The following PLXNA2 variants were observed in gnomAD, a reference collection of about 807,000 sequenced individuals.
The protein encoded by PLXNA2 is plexin A2.
Under a neutral mutation model 193.5 loss-of-function variants are expected in PLXNA2, and 91 were observed. The observed-to-expected ratio is 0.47, with a 90% confidence interval of 0.40 to 0.56. The LOEUF (loss-of-function observed/expected upper bound fraction) is 0.56, where lower values mean the gene tolerates loss of function less well. Among genes scored for constraint, PLXNA2 ranks in the 20% least tolerant of loss-of-function variants. The probability of loss-of-function intolerance (pLI) is 0.00; values close to 1 mark genes in which losing one functional copy is unlikely to be tolerated. For missense variants in PLXNA2, 1,995 were observed against 2,503.2 expected, an observed-to-expected ratio of 0.80 and a Z score of 4.33; for synonymous variants, 997 against 1,027.3, an observed-to-expected ratio of 0.97 and a Z score of 0.56.
chr1:208,201,507 AG>A (rs1184454981), intron 3 of PLXNA2, among the ~76,000 whole-genome samples: 1 of 152,132 alleles, frequency 6.6e-6, no homozygotes, highest in Non-Finnish European at 1.5e-5. Context: ...GGCTGGGAGT[AG>A]GGGACAGGAT....
At chr1:208,237,435 GA>G (rs1323295955) in intron 1 of PLXNA2, among the ~76,000 whole-genome samples, 3 of 152,214 alleles carry the variant, frequency 2.0e-5, no homozygotes, top group Non-Finnish European at 4.4e-5. Context: ...AGAAGTACCA[GA>G]AAGGGATGCA....
chr1:208,036,363 C>T (rs1029657654), intron 26 of PLXNA2, among the ~76,000 whole-genome samples: 4 of 152,178 alleles, frequency 2.6e-5, no homozygotes, highest in Admixed American at 6.5e-5. Context: ...GTCACTAAAC[C>T]GCTCCTGTCC....
chr1:208,084,639 G>A, intron 9 of PLXNA2, 59 bp from the exon 10 acceptor site: 1 of 1,511,084 alleles, frequency 6.6e-7, no homozygotes, highest in Non-Finnish European at 9.1e-7. Context: ...CTATGTGCCT[G>A]GGACAGGCAG....
intron 17 of PLXNA2, 49 bp downstream of exon 17, chr1:208,050,960 A>G: frequency 7.3e-7 from 1 of 1,378,292 alleles, no homozygotes; most frequent in Non-Finnish European, 1.0e-6. Context: ...CAAAACATCA[A>G]CACAGAGCTG....
chr1:208,056,706 A>C (rs776948833), intron 13 of PLXNA2, among the ~76,000 whole-genome samples: 8 of 152,194 alleles, frequency 5.3e-5, no homozygotes, highest in Non-Finnish European at 1.2e-4. Flanking sequence ...CTGTAGTTGG[A>C]AAGGCAGGAT....
chr1:208,189,448 C>T (rs905175720), intron 3 of PLXNA2, among the ~76,000 whole-genome samples: 2 of 151,496 alleles, frequency 1.3e-5, no homozygotes, highest in Non-Finnish European at 2.9e-5. Context: ...CCAGCAGGCC[C>T]ACCAGAAGGG....
rs557947823 is a variant in PLXNA2, at chr1:208,120,352, G to T, written c.1507-17105C>A. On this transcript the variant is annotated intron_variant, in intron 4 of 31. Coordinates refer to ENST00000367033, the MANE Select transcript of PLXNA2 (RefSeq NM_025179.4). ...TGGAGTTAAGTGGTGATTAGAGTGG[G>T]GTGGGATTAATCAGAGAGGGGGTGA... 2.0e-5 allele frequency among the ~76,000 whole-genome samples: 3 copies of T among 152,338 alleles called. No individual in the cohort carries two copies. In the South Asian group the frequency reaches 6.2e-4, roughly 32 times the overall value.
Position 208,034,560 on chromosome 1 carries a change from G to A in PLXNA2, c.4797C>T (p.Pro1599=). 4 of 1,613,936 alleles carry A rather than the reference G, an allele frequency of 2.5e-6. No individual in the cohort carries two copies. The highest frequency in any genetic ancestry group is 2.5e-6 in the Non-Finnish European group (3 of 1,179,824). Residue 1599 remains proline (P), a synonymous_variant, in exon 27 of 32, where the codon CCC becomes CCT. Coordinates refer to ENST00000367033, the MANE Select transcript of PLXNA2 (RefSeq NM_025179.4). Reference sequence around the variant, plus strand: ...GGATGTTGTAGGAGGAGGTCTGTTTGGGGACCAGAGCCACCACCGACCTGT... The same window carrying A: ...GGATGTTGTAGGAGGAGGTCTGTTTAGGGACCAGAGCCACCACCGACCTGT... The part of the protein sequence containing the change: ...VSDRSVVALV[P]KQTSSYNIPA...
At chr1:208,071,234 C>T (rs748053156) in intron 12 of PLXNA2, among the ~76,000 whole-genome samples, 5 of 152,200 alleles carry the variant, frequency 3.3e-5, no homozygotes, top group Non-Finnish European at 5.9e-5. Flanking sequence ...GCATCCTCAG[C>T]GGATGTTCAT....
chr1:208,046,053 C>T lies in PLXNA2; in HGVS notation c.3320G>A (p.Arg1107His), dbSNP rs765109287. ...CLAPSLTTDYRPGLDTVERPD... is the reference protein window; with the variant it reads ...CLAPSLTTDYHPGLDTVERPD... ...GCGTTCCACAGTGTCCAGGCCAGGG[C>T]GGTAGTCCGTGGTCAGAGAGGGTGC... The change falls in exon 18 of 32, where the codon CGC becomes CAC. Residue 1107 changes from arginine (R) to histidine (H), a missense_variant. Around this residue, in one of 3 missense-constraint regions of PLXNA2, gnomAD observed 1,291 missense variants for 1,673.6 expected, o/e 0.77. Coordinates refer to ENST00000367033, the MANE Select transcript of PLXNA2 (RefSeq NM_025179.4). 1.9e-5 allele frequency: 30 copies of T among 1,614,224 alleles called. No homozygotes were observed. Among genetic ancestry groups the T allele is most frequent in the Middle Eastern group, 3.3e-4 (2 of 6,062 alleles).
At chr1:208,129,596 C>T (rs570916522) in intron 4 of PLXNA2, among the ~76,000 whole-genome samples, 1 of 152,346 alleles carries the variant, frequency 6.6e-6, no homozygotes, top group African/African-American at 2.4e-5. Context: ...CTTTCCTTAA[C>T]TTGAACAATA....
At chr1:208,080,468 A>G (rs1012465224) in intron 11 of PLXNA2, among the ~76,000 whole-genome samples, 19 of 152,184 alleles carry the variant, frequency 1.2e-4, no homozygotes, top group Middle Eastern at 3.2e-3. Context: ...CAAAACACGT[A>G]AAAGTCATTT....
chr1:208,047,054 G>A (rs927916372), intron 17 of PLXNA2, among the ~76,000 whole-genome samples: 7 of 152,134 alleles, frequency 4.6e-5, no homozygotes, highest in African/African-American at 1.2e-4. Flanking sequence ...TCCGCCTCCC[G>A]GGTTCCAGTG....
At chr1:208,118,050 A>T (rs1023002873) in intron 4 of PLXNA2, among the ~76,000 whole-genome samples, 2 of 152,226 alleles carry the variant, frequency 1.3e-5, no homozygotes, top group African/African-American at 4.8e-5. Context: ...AGGAGACAGC[A>T]GAAAGCTGCC....
intron 3 of PLXNA2, among the ~76,000 whole-genome samples, chr1:208,193,903 A>G (rs987853325): frequency 1.3e-5 from 2 of 152,166 alleles, no homozygotes; most frequent in Non-Finnish European, 2.9e-5. Context: ...CTCTAAAAAA[A>G]CTTTTTAAAT....
chr1:208,159,558 G>T (rs1669044349), intron 3 of PLXNA2, among the ~76,000 whole-genome samples: 1 of 152,210 alleles, frequency 6.6e-6, no homozygotes, highest in Non-Finnish European at 1.5e-5. Flanking sequence ...AGGAGACTGG[G>T]GACACCAGCC....
chr1:208,216,490 G>T (rs1671132667), intron 2 of PLXNA2, among the ~76,000 whole-genome samples: 1 of 152,216 alleles, frequency 6.6e-6, no homozygotes, highest in African/African-American at 2.4e-5. Flanking sequence ...ATTTACAATA[G>T]CACCTGATGT....
At chr1:208,035,365 T>C (rs1664638899) in intron 26 of PLXNA2, among the ~76,000 whole-genome samples, 1 of 152,242 alleles carries the variant, frequency 6.6e-6, no homozygotes, top group Non-Finnish European at 1.5e-5. Context: ...CTTTTGGCTC[T>C]GCTTTCTTTC....
intron 3 of PLXNA2, among the ~76,000 whole-genome samples, chr1:208,175,835 A>C (rs1669646653): frequency 6.6e-6 from 1 of 152,196 alleles, no homozygotes; most frequent in African/African-American, 2.4e-5. Context: ...TAGCCAGAGA[A>C]AGAAGACAGG....
Sources: allele counts gnomAD v4.1 joint callset (sites outside exome capture counted in the v4.1 genomes callset), GRCh38; gene constraint gnomAD v4.1.1; regional missense constraint gnomAD v4.1.1; transcripts MANE v1.5; gene names NCBI Gene and HGNC (gene_info 2026-07-23, HGNC 2026-07-21).